The following IFT56 variants were observed in gnomAD, a reference collection of about 807,000 sequenced individuals.
IFT56 encodes intraflagellar transport protein 56.
At chr7:139,183,038 G>A in the IFT56 span, among the ~76,000 whole-genome samples, 1 of 152,080 alleles carries the variant, frequency 6.6e-6, no homozygotes, top group Admixed American at 6.6e-5. Context: ...GAAAATCAGG[G>A]TTTGGAATTG....
the IFT56 span, chr7:139,160,992 A>C: frequency 5.0e-6 from 8 of 1,613,922 alleles, no homozygotes; most frequent in Non-Finnish European, 6.8e-6. Context: ...CATCCTTTGA[A>C]TTTGCTAAAG....
the IFT56 span, among the ~76,000 whole-genome samples, chr7:139,152,634 C>T: frequency 6.6e-6 from 1 of 152,170 alleles, no homozygotes; most frequent in Admixed American, 6.5e-5. Context: ...TACATGGTTT[C>T]TAACATTGGT....
the IFT56 span, chr7:139,134,593 ACTCT>A: frequency 6.6e-7 from 1 of 1,511,728 alleles, no homozygotes; most frequent in Non-Finnish European, 8.9e-7. Context: ...CAGAGCTGTC[ACTCT>A]CAGTTTAAAT....
chr7:139,187,050 C>T, the IFT56 span, among the ~76,000 whole-genome samples: 1 of 144,910 alleles, frequency 6.9e-6, no homozygotes, highest in Non-Finnish European at 1.5e-5. Flanking sequence ...GCCGAGATTG[C>T]GCCACTGCAG....
chr7:139,182,308 A>T, the IFT56 span, among the ~76,000 whole-genome samples: 1 of 151,932 alleles, frequency 6.6e-6, no homozygotes, highest in Non-Finnish European at 1.5e-5. Flanking sequence ...TTCAAAGTGA[A>T]TCGTTACCAA....
the IFT56 span, among the ~76,000 whole-genome samples, chr7:139,186,656 G>A: frequency 1.3e-5 from 2 of 152,056 alleles, no homozygotes; most frequent in African/African-American, 4.8e-5. Flanking sequence ...GACCATCCTG[G>A]AGTTGAACAT....
the IFT56 span, among the ~76,000 whole-genome samples, chr7:139,182,246 G>T: frequency 6.6e-6 from 1 of 151,964 alleles, no homozygotes; most frequent in African/African-American, 2.4e-5. Flanking sequence ...CAAAAATCAG[G>T]TAAATGTCAG....
chr7:139,164,687 GC>G, the IFT56 span, among the ~76,000 whole-genome samples: 1 of 152,058 alleles, frequency 6.6e-6, no homozygotes, highest in East Asian at 1.9e-4. Flanking sequence ...AGTTCTCGGG[GC>G]TAGGAATACA....
At chr7:139,135,735 A>G in the IFT56 span, among the ~76,000 whole-genome samples, 1 of 152,148 alleles carries the variant, frequency 6.6e-6, no homozygotes, top group Non-Finnish European at 1.5e-5. Context: ...AACACATGTT[A>G]TAGGAGGGTG....
the IFT56 span, among the ~76,000 whole-genome samples, chr7:139,166,419 A>C: frequency 7.7e-3 from 1,176 of 152,184 alleles, 26 homozygotes; most frequent in East Asian, 0.074. Context: ...AGCACTTTTC[A>C]AGATATTTCC....
the IFT56 span, chr7:139,146,946 C>A: frequency 6.7e-7 from 1 of 1,487,784 alleles, no homozygotes; most frequent in South Asian, 1.2e-5. Context: ...CGTTGTCAAG[C>A]TATGCCTCCA....
At chr7:139,181,079 T>G in the IFT56 span, 3 of 1,538,368 alleles carry the variant, frequency 2.0e-6, no homozygotes. Flanking sequence ...CAAATCTTTG[T>G]TTCCTTTTGC....
the IFT56 span, among the ~76,000 whole-genome samples, chr7:139,163,428 C>G: frequency 6.6e-6 from 1 of 151,780 alleles, no homozygotes; most frequent in Non-Finnish European, 1.5e-5. Flanking sequence ...GCAGACACAT[C>G]ATGGAGCAAG....
the IFT56 span, among the ~76,000 whole-genome samples, chr7:139,183,425 T>C: frequency 6.6e-6 from 1 of 152,194 alleles, no homozygotes; most frequent in Non-Finnish European, 1.5e-5. Context: ...CTTATCTTCC[T>C]TTTGTGGGGA....
chr7:139,136,279 G>A, the IFT56 span, among the ~76,000 whole-genome samples: 1 of 151,870 alleles, frequency 6.6e-6, no homozygotes, highest in Non-Finnish European at 1.5e-5. Flanking sequence ...TAGCTTTTTG[G>A]GCATCAGCTT....
At chr7:139,133,882 G>A in the IFT56 span, 2 of 1,614,166 alleles carry the variant, frequency 1.2e-6, no homozygotes, top group Non-Finnish European at 1.7e-6. Context: ...TGAATAGTAA[G>A]GGAGTACTTT....
chr7:139,187,306 A>C, the IFT56 span: 1 of 1,398,656 alleles, frequency 7.1e-7, no homozygotes, highest in Non-Finnish European at 9.7e-7. Context: ...GCACCCATGC[A>C]CTTATTTCAT....
chr7:139,172,255 C>A, the IFT56 span, among the ~76,000 whole-genome samples: 1 of 152,108 alleles, frequency 6.6e-6, no homozygotes, highest in Admixed American at 6.6e-5. Context: ...CACTGTGGAC[C>A]CAGTTGCTTT....
chr7:139,163,340 T>TA, the IFT56 span, among the ~76,000 whole-genome samples: 2,197 of 124,560 alleles, frequency 0.018, 69 homozygotes, highest in African/African-American at 0.058. Context: ...AGACTCCATC[T>TA]AAAAAAAAAA....
Sources: allele counts gnomAD v4.1 joint callset (sites outside exome capture counted in the v4.1 genomes callset), GRCh38; gene constraint gnomAD v4.1.1; transcripts MANE v1.5; gene names NCBI Gene and HGNC (gene_info 2026-07-23, HGNC 2026-07-21).